TOP3A: variants seen among roughly 807,000 people sequenced by gnomAD.
TOP3A encodes the protein DNA topoisomerase III alpha.
In TOP3A, 64 loss-of-function variants were observed where a neutral mutation model predicts 111.3. That is an observed-to-expected ratio of 0.57 (90% CI 0.47 to 0.71). The LOEUF is 0.71. Ranked by LOEUF, TOP3A falls within the 30% of genes least tolerant of loss-of-function variation. The pLI is 0.00. For synonymous variants in TOP3A, 484 were observed against 485.1 expected, an observed-to-expected ratio of 1.00 and a Z score of 0.03; for missense variants, 1,104 against 1,285.0, an observed-to-expected ratio of 0.86 and a Z score of 2.15.
intron 5 of TOP3A, among the ~76,000 whole-genome samples, chr17:18,304,364 A>G (rs781380352): frequency 2.0e-5 from 3 of 152,226 alleles, no homozygotes; most frequent in African/African-American, 4.8e-5. Flanking sequence ...ATGTCCCTTC[A>G]GCAAAGAATA....
intron 15 of TOP3A, among the ~76,000 whole-genome samples, chr17:18,284,661 A>G (rs1013046865): frequency 1.1e-4 from 16 of 152,230 alleles, no homozygotes; most frequent in Admixed American, 1.0e-3. Flanking sequence ...GCTGCTTGCT[A>G]AATATCCACC....
rs755477948 is a variant in TOP3A, at chr17:18,305,197, G to A, written c.414C>T (p.Arg138=). Reference sequence around the variant, plus strand: ...TCCAGATCACCAGAGCCTGGCACTGGCGAGTCTCTCGTTCCAAAGTTTTCT... The same window carrying A: ...TCCAGATCACCAGAGCCTGGCACTGACGAGTCTCTCGTTCCAAAGTTTTCT... The part of the protein sequence containing the change: ...DIKKTLERET[R]QCQALVIWTD... Residue 138 remains arginine (R), a synonymous_variant, in exon 5 of 19, where the codon CGC becomes CGT. Coordinates refer to ENST00000321105, the MANE Select transcript of TOP3A (RefSeq NM_004618.5). 1 of 1,614,158 alleles carries A rather than the reference G, an allele frequency of 6.2e-7. No individual in the cohort carries two copies. The highest frequency in any genetic ancestry group is 1.1e-5 in the South Asian group (1 of 91,082).
At position 18,273,679 on chromosome 17, in the gene TOP3A, G is replaced by T. The variant is rs1979140526; in HGVS notation, c.*1123C>A. On this transcript the variant is annotated 3_prime_UTR_variant, in exon 19 of 19. Coordinates refer to ENST00000321105, the MANE Select transcript of TOP3A (RefSeq NM_004618.5). ...GGGTCTTACTCTGTCACCCAGGCTG[G>T]AGTGCAGTGGTGTGATCATGGCTTG... is the stretch of plus-strand genomic sequence containing the variant. Among the ~76,000 whole-genome samples the T allele has an allele frequency of 1.3e-5, 2 of 152,212 alleles. No homozygotes were observed. The highest frequency in any genetic ancestry group is 4.8e-5 in the African/African-American group (2 of 41,462).
intron 1 of TOP3A, 22 bp from the exon 2 acceptor site, chr17:18,308,963 A>G: frequency 7.8e-7 from 1 of 1,283,386 alleles, no homozygotes; most frequent in Non-Finnish European, 1.1e-6. Context: ...AAATAAGTAA[A>G]AAATATAAAT....
In TOP3A at chr17:18,308,892, AGAT is replaced by A; in HGVS notation, c.227_229del (p.His76del). 1 of 1,570,034 alleles carries A rather than the reference AGAT, an allele frequency of 6.4e-7. No homozygotes were observed. The highest frequency in any genetic ancestry group is 8.7e-7 in the Non-Finnish European group (1 of 1,154,238). On this transcript the variant is annotated inframe_deletion, in exon 2 of 19. Coordinates refer to ENST00000321105, the MANE Select transcript of TOP3A (RefSeq NM_004618.5). Reference sequence around the variant, plus strand: ...TATTTTAGCACCTACCTGGCCATACAGATGATAATCAAATTCATAGATCTTGTT... The same window carrying A: ...TATTTTAGCACCTACCTGGCCATACAGATAATCAAATTCATAGATCTTGTT...
intron 9 of TOP3A, among the ~76,000 whole-genome samples, chr17:18,297,088 C>T (rs1026717832): frequency 2.6e-5 from 4 of 152,020 alleles, no homozygotes; most frequent in African/African-American, 4.8e-5. Context: ...TTTTTGTTTC[C>T]CAAACCTCAT....
At chr17:18,292,485 G>A (rs550961008) in intron 11 of TOP3A, among the ~76,000 whole-genome samples, 160 bp downstream of exon 11, 14 of 152,184 alleles carry the variant, frequency 9.2e-5, no homozygotes, top group Non-Finnish European at 2.1e-4. Context: ...GGAGGGATGA[G>A]GCGGTCTTTA....
At chr17:18,290,475 T>C (rs1041450166) in intron 13 of TOP3A, 82 bp downstream of exon 13, 19 of 1,390,188 alleles carry the variant, frequency 1.4e-5, no homozygotes, top group Admixed American at 3.2e-5. Flanking sequence ...TAGAGAATGG[T>C]TTGAAGACTA....
Position 18,290,844 on chromosome 17 carries a change from T to C in TOP3A, c.1465A>G (p.Lys489Glu), listed in dbSNP as rs1980427166. The C allele has an allele frequency of 3.7e-6, 6 of 1,613,812 alleles. No homozygotes were observed. Among genetic ancestry groups the C allele is most frequent in the Non-Finnish European group, 5.1e-6 (6 of 1,179,818 alleles). The change falls in exon 12 of 19, where the codon AAG becomes GAG. Residue 489 changes from lysine (K) to glutamate (E), a missense_variant and splice_region_variant. Transcript: ENST00000321105. ...DVYPYDHWSD[K>E]ILPVYEQGSH... ...CACTGGGGACCACTCTTTATTACCT[T>C]GTCACTCCAGTGATCATATGGATAC...
chr17:18,313,731 C>G (rs1399098076), intron 1 of TOP3A, among the ~76,000 whole-genome samples: 1 of 152,118 alleles, frequency 6.6e-6, no homozygotes, highest in East Asian at 1.9e-4. Flanking sequence ...GCACTGGAAA[C>G]AGGTAAAGCT....
At position 18,285,342 on chromosome 17, in the gene TOP3A, C is replaced by T. The variant is rs910438374; in HGVS notation, c.1712-35G>A. 3.1e-6 allele frequency: 5 copies of T among 1,613,036 alleles called. No individual in the cohort carries two copies. The African/African-American group carries it at 5.3e-5, about 17-fold the overall frequency. ...GAGAGTCGAGCTCAGTGAGGGCCCA[C>T]CTGAGACCCTCAGGGACTTGGGCGA... On this transcript the variant is annotated intron_variant, in intron 14 of 18. Coordinates refer to ENST00000321105, the MANE Select transcript of TOP3A (RefSeq NM_004618.5).
At chr17:18,307,125 TCCA>T (rs1182447085) in intron 3 of TOP3A, 159 bp from the exon 4 acceptor site, 2 of 568,544 alleles carry the variant, frequency 3.5e-6, no homozygotes, top group East Asian at 5.7e-5. Context: ...TGACACACTG[TCCA>T]CTTCTCCAAG....
chr17:18,298,554 A>G (rs1023929342), intron 9 of TOP3A, among the ~76,000 whole-genome samples: 4 of 150,820 alleles, frequency 2.7e-5, no homozygotes, highest in Admixed American at 6.6e-5. Context: ...TGGGAGGTGT[A>G]CCCAACAGCT....
chr17:18,305,498 GCGCGCGCACGCA>G (rs1981520128), intron 4 of TOP3A, among the ~76,000 whole-genome samples: 1 of 122,738 alleles, frequency 8.1e-6, no homozygotes, highest in Non-Finnish European at 1.8e-5. Context: ...GCGCGCGCGC[GCGCGCGCACGCA>G]CACTTCGAGA....
intron 18 of TOP3A, among the ~76,000 whole-genome samples, chr17:18,275,907 G>A (rs530691516): frequency 1.4e-3 from 209 of 151,938 alleles, no homozygotes; most frequent in Non-Finnish European, 2.8e-3. Context: ...CACCCGCCTC[G>A]GCCTCCCAAA....
intron 9 of TOP3A, among the ~76,000 whole-genome samples, chr17:18,295,791 G>T (rs1980764043): frequency 7.1e-6 from 1 of 141,344 alleles, no homozygotes; most frequent in South Asian, 2.3e-4. Context: ...TTTTCACATG[G>T]AGTCTTGCTC....
intron 9 of TOP3A, among the ~76,000 whole-genome samples, chr17:18,299,140 C>T (rs1285417080): frequency 1.3e-5 from 2 of 151,586 alleles, no homozygotes; most frequent in African/African-American, 4.8e-5. Context: ...ACAGGCCAAG[C>T]AGTGGTTGGG....
chr17:18,305,028 G>A (rs1009171999), intron 5 of TOP3A, 84 bp downstream of exon 5: 81 of 1,117,194 alleles, frequency 7.3e-5, no homozygotes, highest in Admixed American at 2.1e-4. Flanking sequence ...GACCTCATCC[G>A]TGGCCCATGT....
chr17:18,296,501 G>A (rs1335799779), intron 9 of TOP3A, among the ~76,000 whole-genome samples: 1 of 152,028 alleles, frequency 6.6e-6, no homozygotes, highest in East Asian at 1.9e-4. Context: ...ACTCGCTTGA[G>A]CCCGGGAGAC....
Sources: allele counts gnomAD v4.1 joint callset (sites outside exome capture counted in the v4.1 genomes callset), GRCh38; gene constraint gnomAD v4.1.1; transcripts MANE v1.5; gene names NCBI Gene and HGNC (gene_info 2026-07-23, HGNC 2026-07-21).